DDHD1: variants seen among roughly 807,000 people sequenced by gnomAD.
DDHD1 encodes the protein DDHD domain containing 1.
A neutral mutation model predicts 96.4 loss-of-function variants in DDHD1; 49 were observed. The ratio of observed to expected loss-of-function variants is 0.51; its 90% CI spans 0.40 to 0.64. The LOEUF (loss-of-function observed/expected upper bound fraction) is 0.64, where lower values mean the gene tolerates loss of function less well. DDHD1 is among the 30% of genes least tolerant of loss of function. The pLI, the probability that DDHD1 is intolerant of heterozygous loss-of-function variation, is 0.00. For synonymous variants in DDHD1, 442 were observed against 446.5 expected (o/e 0.99, Z 0.13); for missense variants, 1,106 against 1,161.2 (o/e 0.95, Z 0.69).
intron 4 of DDHD1, among the ~76,000 whole-genome samples, chr14:53,086,992 A>C (rs1886030599): frequency 6.7e-6 from 1 of 149,950 alleles, no homozygotes; most frequent in Admixed American, 6.6e-5. Flanking sequence ...AAAAAAAAAA[A>C]AAGCAGGGAT....
intron 1 of DDHD1, among the ~76,000 whole-genome samples, chr14:53,106,131 CTTATT>C (rs1887673988): frequency 6.6e-6 from 1 of 152,164 alleles, no homozygotes; most frequent in Admixed American, 6.5e-5. Context: ...TGTTCACCCA[CTTATT>C]TTTAGTTTTA....
chr14:53,090,516 C>T (rs1194740957), intron 4 of DDHD1, among the ~76,000 whole-genome samples: 1 of 152,196 alleles, frequency 6.6e-6, no homozygotes, highest in Non-Finnish European at 1.5e-5. Flanking sequence ...AAATGTGACA[C>T]ATATACACCA....
chr14:53,073,773 A>C lies in DDHD1; in HGVS notation c.1364T>G (p.Val455Gly). 1 of 1,609,980 alleles carries C rather than the reference A, an allele frequency of 6.2e-7. No individual in the cohort carries two copies. The highest frequency in any genetic ancestry group is 8.5e-7 in the Non-Finnish European group (1 of 1,177,412). The change falls in exon 5 of 13, where the codon GTT becomes GGT. Residue 455 changes from valine to glycine, a missense_variant. By Grantham distance (109) the Val-to-Gly change is moderately radical. Around this residue, in one of 2 missense-constraint regions of DDHD1, gnomAD observed 650 missense variants for 758.8 expected, o/e 0.86. Coordinates refer to ENST00000673822, the MANE Select transcript of DDHD1 (RefSeq NM_001160148.2). ...NHATHVEFLP[V>G]EWRSKLTLDG... The stretch of plus-strand genomic sequence containing the variant: ...AAGAGTAAGTTTTGACCGCCACTCA[A>C]CAGGCAGAAATTCAACATGTGTTGC...
intron 2 of DDHD1, chr14:53,103,363 T>C: frequency 2.8e-6 from 1 of 356,320 alleles, no homozygotes; most frequent in African/African-American, 2.1e-5. Flanking sequence ...AAGGAATTTT[T>C]GGGTTAAGTT....
chr14:53,133,201 A>T (rs1296269635), intron 1 of DDHD1, among the ~76,000 whole-genome samples: 2 of 152,080 alleles, frequency 1.3e-5, no homozygotes, highest in East Asian at 1.9e-4. Flanking sequence ...TTCCCTATAC[A>T]TCAAGCTCGG....
chr14:53,125,915 C>T (rs890131366), intron 1 of DDHD1, among the ~76,000 whole-genome samples: 2 of 152,098 alleles, frequency 1.3e-5, no homozygotes, highest in Non-Finnish European at 2.9e-5. Context: ...GTTGACCAGG[C>T]TGGTCTCGAA....
chr14:53,068,103 G>C (rs979226853), intron 6 of DDHD1, among the ~76,000 whole-genome samples: 1 of 151,900 alleles, frequency 6.6e-6, no homozygotes, highest in Non-Finnish European at 1.5e-5. Flanking sequence ...TTCTGCCAGC[G>C]TATCTAATAA....
At chr14:53,149,101 GCTC>G (rs139182514) in intron 1 of DDHD1, among the ~76,000 whole-genome samples, 2,953 of 152,222 alleles carry the variant, frequency 0.019, 99 homozygotes, top group African/African-American at 0.068. Context: ...TAATAATATT[GCTC>G]CTCATTAATA....
intron 4 of DDHD1, among the ~76,000 whole-genome samples, chr14:53,077,478 TA>T (rs1885071392): frequency 6.6e-6 from 1 of 152,098 alleles, no homozygotes; most frequent in Non-Finnish European, 1.5e-5. Context: ...TTCCCTTTAT[TA>T]ACAGTTTTCA....
At chr14:53,049,691 T>C (rs7145029) in intron 12 of DDHD1, among the ~76,000 whole-genome samples, 126,492 of 146,896 alleles carry the variant, frequency 0.86, 54,556 homozygotes, top group East Asian at 0.98. Context: ...GAACATAAAT[T>C]ATCACTTCTT....
intron 5 of DDHD1, among the ~76,000 whole-genome samples, chr14:53,073,391 G>GA (rs1884692054): frequency 6.6e-6 from 1 of 151,806 alleles, no homozygotes. Flanking sequence ...TGGAATTATG[G>GA]AAAACAAATA....
At chr14:53,141,109 C>G (rs999830537) in intron 1 of DDHD1, among the ~76,000 whole-genome samples, 2 of 152,156 alleles carry the variant, frequency 1.3e-5, no homozygotes, top group African/African-American at 4.8e-5. Flanking sequence ...ACTATATCCA[C>G]AATTATAGTG....
At chr14:53,063,626 T>C (rs1021346141) in intron 6 of DDHD1, among the ~76,000 whole-genome samples, 2 of 152,046 alleles carry the variant, frequency 1.3e-5, no homozygotes, top group African/African-American at 4.8e-5. Context: ...TTTTAGAAAA[T>C]GAGTATCTGG....
intron 1 of DDHD1, among the ~76,000 whole-genome samples, chr14:53,107,912 AG>A (rs1189433076): frequency 6.6e-6 from 1 of 152,202 alleles, no homozygotes; most frequent in African/African-American, 2.4e-5. Flanking sequence ...AGGCAAAAAC[AG>A]GAGGTAAAGA....
intron 1 of DDHD1, among the ~76,000 whole-genome samples, chr14:53,136,835 G>C (rs1339832886): frequency 1.3e-5 from 2 of 152,136 alleles, no homozygotes. Context: ...CTGTCCATTA[G>C]AATAAAACCC....
chr14:53,076,478 T>C lies in DDHD1; in HGVS notation c.1290-2631A>G, dbSNP rs563810406. ...GATGAACAAAGAAAGTGGTTTGAGATGGACTCTTGGTGAAGATGTGAATAT... is the reference window on the plus strand; with the variant it reads ...GATGAACAAAGAAAGTGGTTTGAGACGGACTCTTGGTGAAGATGTGAATAT... On this transcript the variant is annotated intron_variant, in intron 4 of 12. Coordinates refer to ENST00000673822, the MANE Select transcript of DDHD1 (RefSeq NM_001160148.2). Among the ~76,000 whole-genome samples, 10 of 152,310 alleles carry C rather than the reference T, an allele frequency of 6.6e-5. No individual in the cohort carries two copies. The South Asian group carries it at 1.7e-3, about 25-fold the overall frequency.
chr14:53,069,063 G>A (rs983188836), intron 6 of DDHD1, among the ~76,000 whole-genome samples: 1 of 151,838 alleles, frequency 6.6e-6, no homozygotes, highest in Non-Finnish European at 1.5e-5. Context: ...AATAATTTTG[G>A]TGCTCAAATG....
chr14:53,121,750 G>A (rs924456856), intron 1 of DDHD1, among the ~76,000 whole-genome samples: 1 of 152,068 alleles, frequency 6.6e-6, no homozygotes, highest in Admixed American at 6.6e-5. Context: ...ACAGGGAGGA[G>A]AACATCACAC....
chr14:53,138,171 G>A (rs61985139), intron 1 of DDHD1, among the ~76,000 whole-genome samples: 22,875 of 152,258 alleles, frequency 0.15, 2,116 homozygotes, highest in East Asian at 0.31. Context: ...TTCAGAGGCC[G>A]AGGTGGGCAG....
Sources: allele counts gnomAD v4.1 joint callset (sites outside exome capture counted in the v4.1 genomes callset), GRCh38; gene constraint gnomAD v4.1.1; regional missense constraint gnomAD v4.1.1; transcripts MANE v1.5; gene names NCBI Gene and HGNC (gene_info 2026-07-23, HGNC 2026-07-21).